Variants in MEI4 observed in about 807,000 individuals in gnomAD.
The protein encoded by MEI4 is meiosis-specific protein MEI4.
Under a neutral mutation model 31.4 loss-of-function variants are expected in MEI4, and 27 were observed. That is an observed-to-expected ratio of 0.86 (90% CI 0.63 to 1.19). MEI4 has a LOEUF of 1.19. Ranked by LOEUF, MEI4 falls within the 50% of genes most tolerant of loss-of-function variation. The probability of loss-of-function intolerance (pLI) is 0.00; values close to 1 mark genes in which losing one functional copy is unlikely to be tolerated. For missense variants in MEI4, 329 were observed against 398.9 expected, an observed-to-expected ratio of 0.82 and a Z score of 1.49; for synonymous variants, 122 against 145.4, an observed-to-expected ratio of 0.84 and a Z score of 1.16.
chr6:77,825,036 G>C (rs1769910268), intron 3 of MEI4, among the ~76,000 whole-genome samples: 1 of 140,872 alleles, frequency 7.1e-6, no homozygotes, highest in Admixed American at 7.2e-5. Context: ...TTATTTTACA[G>C]AATTCAGTTG....
intron 4 of MEI4, among the ~76,000 whole-genome samples, chr6:77,875,910 A>C (rs1771323439): frequency 6.6e-6 from 1 of 152,164 alleles, no homozygotes; most frequent in African/African-American, 2.4e-5. Context: ...TTGACAAAGA[A>C]ATTGTAATCC....
rs566978778 is a variant in MEI4 at position 77,878,884 on chromosome 6, A to T, written c.901-44205A>T. Among the ~76,000 whole-genome samples, 4 of 152,266 alleles carry T rather than the reference A, an allele frequency of 2.6e-5. 1 individual carries two copies. The East Asian group carries it at 7.7e-4, about 29-fold the overall frequency. The stretch of plus-strand genomic sequence containing the variant: ...ATCTGTAATCCAGGCTTCTACATGA[A>T]AATGCATATAGTATGGCAACGTATA... On this transcript the variant is annotated intron_variant, in intron 4 of 4. Transcript: ENST00000684080.
At chr6:77,830,602 A>C (rs1770055087) in intron 4 of MEI4, among the ~76,000 whole-genome samples, 1 of 152,070 alleles carries the variant, frequency 6.6e-6, no homozygotes, top group African/African-American at 2.4e-5. Flanking sequence ...AGGCAGGTTT[A>C]TGTTGTTGAA....
chr6:77,705,781 CTGTTTA>C (rs1766317350), intron 2 of MEI4, among the ~76,000 whole-genome samples: 1 of 152,076 alleles, frequency 6.6e-6, no homozygotes, highest in Non-Finnish European at 1.5e-5. Context: ...TACAAAAACA[CTGTTTA>C]TGTGAATTTT....
intron 2 of MEI4, among the ~76,000 whole-genome samples, chr6:77,746,566 C>G (rs902805756): frequency 1.3e-5 from 2 of 151,898 alleles, no homozygotes; most frequent in African/African-American, 4.8e-5. Context: ...TTGCTGACTG[C>G]AGATCTTGGT....
At chr6:77,839,088 T>C (rs1388799252) in intron 4 of MEI4, among the ~76,000 whole-genome samples, 1 of 152,016 alleles carries the variant, frequency 6.6e-6, no homozygotes, top group Non-Finnish European at 1.5e-5. Context: ...TACTTGAGAG[T>C]AGCAAAATCT....
Position 77,892,245 on chromosome 6 carries a change from AGTG to A in MEI4, c.901-30838_901-30836del, listed in dbSNP as rs575239662. On this transcript the variant is annotated intron_variant, in intron 4 of 4. Transcript: ENST00000684080. Reference sequence around the variant, plus strand: ...GTGCTTGCATGTCATTGCCAGCAGCAGTGGTGGTAAAGGCAACCTTTCCTCAGG... The same window carrying A: ...GTGCTTGCATGTCATTGCCAGCAGCAGTGGTAAAGGCAACCTTTCCTCAGG... 3.6e-3 allele frequency among the ~76,000 whole-genome samples: 548 copies of A among 152,278 alleles called. 2 individuals are homozygous for A. Among genetic ancestry groups the A allele is most frequent in the Middle Eastern group, 0.017 (5 of 294 alleles).
intron 1 of MEI4, among the ~76,000 whole-genome samples, chr6:77,679,915 A>G (rs999118169): frequency 2.7e-5 from 4 of 150,708 alleles, no homozygotes; most frequent in African/African-American, 4.9e-5. Flanking sequence ...TAATTTTTGT[A>G]TTTTTAGTAG....
intron 4 of MEI4, among the ~76,000 whole-genome samples, chr6:77,841,329 A>ATTTTTT (rs1770354810): frequency 2.7e-5 from 1 of 36,960 alleles, no homozygotes; most frequent in Non-Finnish European, 4.2e-5. Flanking sequence ...ATATATATAT[A>ATTTTTT]TATATTTTTT....
intron 4 of MEI4, among the ~76,000 whole-genome samples, chr6:77,869,451 C>T (rs188423697): frequency 2.0e-5 from 3 of 151,988 alleles, no homozygotes; most frequent in East Asian, 1.9e-4. Context: ...CCTTATTAGA[C>T]GGGGAAATTT....
chr6:77,919,807 T>A (rs1018218279), intron 4 of MEI4, among the ~76,000 whole-genome samples: 7 of 148,416 alleles, frequency 4.7e-5, no homozygotes, highest in African/African-American at 1.7e-4. Context: ...TAAAAAATGA[T>A]AAAGGGGATA....
At chr6:77,656,605 T>C (rs1189349773) in intron 1 of MEI4, among the ~76,000 whole-genome samples, 1 of 152,212 alleles carries the variant, frequency 6.6e-6, no homozygotes, top group Admixed American at 6.5e-5. Flanking sequence ...TAAGTGGTGC[T>C]GAACATTTAC....
chr6:77,819,847 C>A (rs1056851449), intron 3 of MEI4, among the ~76,000 whole-genome samples: 1 of 152,064 alleles, frequency 6.6e-6, no homozygotes, highest in Non-Finnish European at 1.5e-5. Context: ...TTTGTTGGTT[C>A]CAAGGAAGAG....
intron 2 of MEI4, among the ~76,000 whole-genome samples, chr6:77,695,667 C>A (rs1041999861): frequency 2.6e-5 from 4 of 152,108 alleles, no homozygotes; most frequent in African/African-American, 9.7e-5. Flanking sequence ...GTTACTGTAG[C>A]CTTGTAGTAT....
At chr6:77,795,137 C>G (rs1769042599) in intron 3 of MEI4, among the ~76,000 whole-genome samples, 1 of 152,052 alleles carries the variant, frequency 6.6e-6, no homozygotes, top group African/African-American at 2.4e-5. Context: ...TCTCAAACAA[C>G]CTAACTTTAC....
chr6:77,866,131 T>C (rs565443271), intron 4 of MEI4, among the ~76,000 whole-genome samples: 192 of 152,030 alleles, frequency 1.3e-3, no homozygotes, highest in Non-Finnish European at 2.4e-3. Flanking sequence ...TCATACTGAA[T>C]GGGCAAAAAC....
intron 1 of MEI4, among the ~76,000 whole-genome samples, chr6:77,671,228 T>A (rs1168087002): frequency 6.6e-6 from 1 of 152,040 alleles, no homozygotes; most frequent in Non-Finnish European, 1.5e-5. Flanking sequence ...AGCTAATTTT[T>A]GTATTTACTT....
At chr6:77,913,769 T>C (rs998256897) in intron 4 of MEI4, among the ~76,000 whole-genome samples, 7 of 151,648 alleles carry the variant, frequency 4.6e-5, no homozygotes, top group African/African-American at 1.2e-4. Context: ...GCACGGTGGC[T>C]CACTCCTGTA....
At chr6:77,871,007 A>T (rs1771177590) in intron 4 of MEI4, among the ~76,000 whole-genome samples, 1 of 152,192 alleles carries the variant, frequency 6.6e-6, no homozygotes, top group South Asian at 2.1e-4. Context: ...TTATAGTAAT[A>T]ATGATACGGC....
Sources: gnomAD v4.1 joint callset for allele counts (sites outside exome capture counted in the v4.1 genomes callset) on GRCh38, gnomAD v4.1.1 for gene constraint, MANE v1.5 for transcripts, NCBI Gene and HGNC (gene_info 2026-07-23, HGNC 2026-07-21) for gene names.